TTC19: variants seen among roughly 807,000 people sequenced by gnomAD.
The protein encoded by TTC19 is tetratricopeptide repeat domain 19.
A neutral mutation model predicts 49.5 loss-of-function variants in TTC19; 38 were observed. The observed-to-expected ratio is 0.77, with a 90% CI of 0.59 to 1.01. TTC19 has a LOEUF of 1.01. Among genes scored for constraint, TTC19 ranks in the 50% least tolerant of loss-of-function variants. The pLI, the probability that TTC19 is intolerant of heterozygous loss-of-function variation, is 0.00. For missense variants in TTC19, 475 were observed against 477.7 expected, an observed-to-expected ratio of 0.99 and a Z score of 0.05; for synonymous variants, 204 against 185.2, an observed-to-expected ratio of 1.10 and a Z score of -0.83.
At chr17:16,020,884 C>T (rs554894522) in intron 7 of TTC19, among the ~76,000 whole-genome samples, 9 of 152,158 alleles carry the variant, frequency 5.9e-5, no homozygotes, top group East Asian at 3.9e-4. Flanking sequence ...GATGAGGTTT[C>T]GCTATGTTGT....
chr17:16,019,617 G>T (rs2151671213), intron 7 of TTC19, among the ~76,000 whole-genome samples: 1 of 152,268 alleles, frequency 6.6e-6, no homozygotes, highest in East Asian at 1.9e-4. Flanking sequence ...CACAAGTGTG[G>T]ATACAAGCTA....
chr17:16,010,266 C>G (rs1170713955), intron 7 of TTC19, among the ~76,000 whole-genome samples: 2 of 149,352 alleles, frequency 1.3e-5, no homozygotes, highest in African/African-American at 5.0e-5. Context: ...CTCCGCCTCC[C>G]GGGTTTAAGC....
chr17:16,043,987 T>C (rs952181084), intron 2 of TTC19, among the ~76,000 whole-genome samples: 2 of 152,132 alleles, frequency 1.3e-5, no homozygotes, highest in East Asian at 1.9e-4. Flanking sequence ...CTGGCCAACA[T>C]GGATAAACCC....
chr17:16,019,915 T>C (rs192422301), intron 7 of TTC19, among the ~76,000 whole-genome samples: 3 of 148,090 alleles, frequency 2.0e-5, no homozygotes, highest in African/African-American at 7.5e-5. Context: ...TCATTTGAGG[T>C]CAGGAGTTGG....
chr17:16,033,244 A>G (rs1972702290), downstream of TTC19, among the ~76,000 whole-genome samples: 1 of 149,780 alleles, frequency 6.7e-6, no homozygotes. Flanking sequence ...CTGAGGCAGG[A>G]GAATCGCCTG....
intron 6 of TTC19, among the ~76,000 whole-genome samples, 181 bp from the exon 7 acceptor site, chr17:16,006,293 C>T (rs1251117883): frequency 6.6e-6 from 1 of 152,052 alleles, no homozygotes; most frequent in African/African-American, 2.4e-5. Flanking sequence ...ACCTGTAATC[C>T]CAGCTATTCG....
intron 4 of TTC19, among the ~76,000 whole-genome samples, chr17:16,003,475 A>G (rs956990921): frequency 6.6e-6 from 1 of 151,732 alleles, no homozygotes; most frequent in African/African-American, 2.4e-5. Context: ...GGATTTCACC[A>G]TATTTCCCAG....
intron 6 of TTC19, among the ~76,000 whole-genome samples, chr17:16,005,312 G>A (rs1209691119): frequency 6.6e-6 from 1 of 152,250 alleles, no homozygotes; most frequent in African/African-American, 2.4e-5. Context: ...CTTCTGGGCA[G>A]TGTCCACTTG....
At chr17:16,023,649 A>ACAAATCAT (rs1187639123) in intron 7 of TTC19, 1 of 152,256 alleles carries the variant, frequency 6.6e-6, no homozygotes, top group Admixed American at 6.5e-5. Flanking sequence ...GTCTGATGAT[A>ACAAATCAT]CAGACGATTC....
intron 2 of TTC19, chr17:16,040,689 C>T: frequency 4.9e-6 from 3 of 608,136 alleles, no homozygotes; most frequent in Non-Finnish European, 8.9e-6. Context: ...GTTGCCCAGG[C>T]TATTTTTAAA....
intron 2 of TTC19, among the ~76,000 whole-genome samples, chr17:16,036,843 T>C (rs1015057754): frequency 6.6e-6 from 1 of 152,254 alleles, no homozygotes; most frequent in Non-Finnish European, 1.5e-5. Context: ...AACACTGTTT[T>C]GCTTTATTAC....
Position 16,027,855 on chromosome 17 carries a change from A to C in TTC19, c.*333A>C, listed in dbSNP as rs1186298103. On this transcript the variant is annotated 3_prime_UTR_variant, in exon 10 of 10. Coordinates refer to ENST00000261647, the MANE Select transcript of TTC19 (RefSeq NM_017775.4). Reference sequence around the variant, plus strand: ...CTGTGCGCTGTGGGTGTGGTGATTCAGCCTGGCATTTCTACCATAAGTTTT... The same window carrying C: ...CTGTGCGCTGTGGGTGTGGTGATTCCGCCTGGCATTTCTACCATAAGTTTT... 5 of 476,678 alleles carry C rather than the reference A, an allele frequency of 1.0e-5. No homozygotes were observed. The highest frequency in any genetic ancestry group is 6.3e-4 in the Middle Eastern group (1 of 1,590). The allele number at this position is 476,678 out of a possible 1,614,324, so 29.5% of individuals were successfully genotyped here.
chr17:16,032,511 T>A (rs567821198), downstream of TTC19: 10 of 1,551,542 alleles, frequency 6.4e-6, no homozygotes, highest in Admixed American at 1.0e-4. Flanking sequence ...AGGTTTTCAT[T>A]GTCATGAACA....
chr17:16,003,464 G>A (rs1278036945), intron 4 of TTC19, among the ~76,000 whole-genome samples: 3 of 150,798 alleles, frequency 2.0e-5, no homozygotes, highest in Non-Finnish European at 2.9e-5. Flanking sequence ...TTGTAGAGAC[G>A]GGATTTCACC....
chr17:16,038,001 C>T (rs1341587048), intron 2 of TTC19, among the ~76,000 whole-genome samples: 6 of 152,096 alleles, frequency 3.9e-5, no homozygotes, highest in African/African-American at 1.4e-4. Context: ...TTAAAACACA[C>T]ACACTTAAAG....
chr17:16,004,539 G>A (rs1250281432), intron 6 of TTC19, among the ~76,000 whole-genome samples: 2 of 152,218 alleles, frequency 1.3e-5, no homozygotes, highest in African/African-American at 4.8e-5. Flanking sequence ...GGAAGTTAGA[G>A]TTAGAACTTT....
At chr17:16,035,524 CTT>C (rs1974221033) in intron 2 of TTC19, among the ~76,000 whole-genome samples, 1 of 146,454 alleles carries the variant, frequency 6.8e-6, no homozygotes, top group African/African-American at 2.6e-5. Flanking sequence ...TACTAGTTCT[CTT>C]GTTCTTTTTT....
chr17:16,029,598 A>C (rs1226808880), downstream of TTC19: 1 of 193,366 alleles, frequency 5.2e-6, no homozygotes, highest in East Asian at 1.4e-4. Context: ...GTAAGGATAT[A>C]GTGTCAGAAC....
chr17:16,024,225 T>A (rs1216784964), intron 7 of TTC19: 2 of 152,208 alleles, frequency 1.3e-5, no homozygotes, highest in Admixed American at 6.5e-5. Flanking sequence ...TGAGAGGTGC[T>A]ATGTCATTGT....
Sources: gnomAD v4.1 joint callset for allele counts (sites outside exome capture counted in the v4.1 genomes callset) on GRCh38, gnomAD v4.1.1 for gene constraint, MANE v1.5 for transcripts, NCBI Gene and HGNC (gene_info 2026-07-23, HGNC 2026-07-21) for gene names.